The following DCLK3 variants were observed in gnomAD, a reference collection of about 807,000 sequenced individuals.
DCLK3 encodes doublecortin like kinase 3, also known as serine/threonine-protein kinase DCLK3.
Under a neutral mutation model 46.4 loss-of-function variants are expected in DCLK3, and 30 were observed. The observed-to-expected ratio is 0.65, with a 90% CI of 0.48 to 0.88. The LOEUF is 0.88. Among genes scored for constraint, DCLK3 ranks in the 40% least tolerant of loss-of-function variants. The pLI is 0.00. For missense variants in DCLK3, 846 were observed against 907.1 expected (o/e 0.93, Z 0.87); for synonymous variants, 401 against 339.2 (o/e 1.18, Z -2.00).
At chr3:36,735,375 T>C (rs1638889542) in intron 2 of DCLK3, among the ~76,000 whole-genome samples, 1 of 152,238 alleles carries the variant, frequency 6.6e-6, no homozygotes, top group Admixed American at 6.5e-5. Context: ...TATTTGATGG[T>C]AATTCAGACC....
chr3:36,737,776 T>C lies in DCLK3; in HGVS notation c.1391A>G (p.Lys464Arg). 1.9e-6 allele frequency: 3 copies of C among 1,614,136 alleles called. No individual in the cohort carries two copies. The highest frequency in any genetic ancestry group is 1.7e-6 in the Non-Finnish European group (2 of 1,179,978). ...TGGCTTTTTCTCCTTCTCTGCCTCC[T>C]TCTCTTCTCCTCGGGTCCTGCGGAG... The part of the protein sequence containing the change: ...EKLRRTRGEE[K>R]EAEKEKKPCM... Residue 464 changes from lysine (K) to arginine (R), a missense_variant, in exon 2 of 5, where the codon AAG becomes AGG. Around this residue, in one of 3 missense-constraint regions of DCLK3, gnomAD observed 553 missense variants for 543.0 expected, o/e 1.02. Coordinates refer to ENST00000636136, the MANE Select transcript of DCLK3 (RefSeq NM_001394672.2). The surrounding 1 kb of genome is among the most constrained non-coding windows in gnomAD (Gnocchi z 4.4).
At chr3:36,721,365 G>A (rs943266099) in intron 3 of DCLK3, among the ~76,000 whole-genome samples, 162 bp downstream of exon 3, 2 of 152,116 alleles carry the variant, frequency 1.3e-5, no homozygotes, top group Non-Finnish European at 2.9e-5. Context: ...AAGCTCTCAT[G>A]CTTTGGTCAA....
rs770301673 is a variant in DCLK3, at chr3:36,721,513, T to C, written c.2092+14A>G. 9.9e-6 allele frequency: 16 copies of C among 1,613,392 alleles called. No homozygotes were observed. The East Asian group carries it at 3.1e-4, about 31-fold the overall frequency. On this transcript the variant is annotated intron_variant, in intron 3 of 4. Transcript: ENST00000636136. ...AGGGAACTAGAGTCCCACAGATCGATGTGTAACACTTACCTTTCTCAGAAA... is the reference window on the plus strand; with the variant it reads ...AGGGAACTAGAGTCCCACAGATCGACGTGTAACACTTACCTTTCTCAGAAA...
chr3:36,730,330 G>C (rs943387716), intron 2 of DCLK3, among the ~76,000 whole-genome samples: 11 of 151,564 alleles, frequency 7.3e-5, no homozygotes, highest in African/African-American at 2.4e-4. Flanking sequence ...CACAAGATAA[G>C]ATGCTTTTGG....
At chr3:36,752,766 T>C (rs1220613750) in intron 1 of DCLK3, among the ~76,000 whole-genome samples, 1 of 152,208 alleles carries the variant, frequency 6.6e-6, no homozygotes, top group Non-Finnish European at 1.5e-5. Flanking sequence ...ACCATTGATA[T>C]GACAATTTAC....
intron 1 of DCLK3, among the ~76,000 whole-genome samples, chr3:36,741,992 C>T (rs182734586): frequency 1.7e-4 from 26 of 152,264 alleles, no homozygotes; most frequent in Non-Finnish European, 1.5e-5. Flanking sequence ...GACAAAGGAA[C>T]ATTCAGTGAA....
intron 2 of DCLK3, among the ~76,000 whole-genome samples, chr3:36,728,160 G>C (rs1701147802): frequency 6.6e-6 from 1 of 152,196 alleles, no homozygotes; most frequent in South Asian, 2.1e-4. Flanking sequence ...TGTTGATTCA[G>C]AATTCCTTTC....
chr3:36,761,323 T>C (rs1701537326), intron 1 of DCLK3, among the ~76,000 whole-genome samples: 1 of 152,180 alleles, frequency 6.6e-6, no homozygotes, highest in African/African-American at 2.4e-5. Context: ...CAATTGCTAT[T>C]AAATGAATGG....
chr3:36,745,060 T>G (rs558245191), intron 1 of DCLK3, among the ~76,000 whole-genome samples: 1 of 152,364 alleles, frequency 6.6e-6, no homozygotes, highest in East Asian at 1.9e-4. Context: ...TCCACCTTAT[T>G]AGGCTGGAAA....
At chr3:36,734,891 A>G (rs555582657) in intron 2 of DCLK3, among the ~76,000 whole-genome samples, 185 of 152,316 alleles carry the variant, frequency 1.2e-3, no homozygotes, top group African/African-American at 4.0e-3. Flanking sequence ...TGTGATCTAT[A>G]ACAGTGCTGA....
rs1285408519 is a variant in DCLK3 at position 36,737,843 on chromosome 3, C to T, written c.1324G>A (p.Gly442Ser). Residue 442 changes from glycine to serine, a missense_variant, in exon 2 of 5, where the codon GGT (glycine) becomes AGT (serine). Around this residue, in one of 3 missense-constraint regions of DCLK3, gnomAD observed 553 missense variants for 543.0 expected, o/e 1.02. Coordinates refer to ENST00000636136, the MANE Select transcript of DCLK3 (RefSeq NM_001394672.2). The surrounding 1 kb of genome is among the most constrained non-coding windows in gnomAD (Gnocchi z 4.4). ...DTRPMSRSKH[G>S]GWLLREHQAG... Reference sequence around the variant, plus strand: ...TGGTGCTCTCTCAGGAGCCAGCCACCATGTTTGCTCCTGCTCATGGGCCTG... The same window carrying T: ...TGGTGCTCTCTCAGGAGCCAGCCACTATGTTTGCTCCTGCTCATGGGCCTG... 6.2e-7 allele frequency: 1 copy of T among 1,613,884 alleles called. No homozygotes were observed. The highest frequency in any genetic ancestry group is 1.3e-5 in the African/African-American group (1 of 74,914).
chr3:36,728,016 C>A (rs983595489), intron 2 of DCLK3, among the ~76,000 whole-genome samples: 1 of 152,176 alleles, frequency 6.6e-6, no homozygotes, highest in Non-Finnish European at 1.5e-5. Flanking sequence ...AAACAAAAAA[C>A]GTGTCTCAAA....
rs893423962 is a variant in DCLK3, at chr3:36,721,811, C to A, written c.1960-152G>T. ...CCCAACACTGACAAAGCTAACTTGA[C>A]CTCAATGACAAGGGCTCACATTTTC... On this transcript the variant is annotated intron_variant, in intron 2 of 4. Coordinates refer to ENST00000636136, the MANE Select transcript of DCLK3 (RefSeq NM_001394672.2). 4.5e-6 allele frequency: 4 copies of A among 881,860 alleles called. No individual in the cohort carries two copies. The African/African-American group carries it at 6.8e-5, about 15-fold the overall frequency. 54.6% of individuals were successfully genotyped at this position (881,860 alleles called of 1,614,324 possible). A position where few individuals can be genotyped will look rare whatever the true frequency, so the allele number is the denominator to read the frequency against.
intron 2 of DCLK3, among the ~76,000 whole-genome samples, chr3:36,732,399 A>C (rs1315174826): frequency 6.6e-6 from 1 of 152,202 alleles, no homozygotes; most frequent in African/African-American, 2.4e-5. Context: ...GAGTGTACAG[A>C]TACTATTATT....
Position 36,751,063 on chromosome 3 carries a change from T to TAAAAA in DCLK3, c.83-11984_83-11980dup, listed in dbSNP as rs5847933. ...TGATATCCCTGTAGACGGGATGATC[T>TAAAAA]AAAAAAAAAAAAAAAAAAAAAAACT... On this transcript the variant is annotated intron_variant, in intron 1 of 4. Coordinates refer to ENST00000636136, the MANE Select transcript of DCLK3 (RefSeq NM_001394672.2). 3.5e-3 allele frequency among the ~76,000 whole-genome samples: 268 copies of TAAAAA among 76,430 alleles called. 22 individuals are homozygous for TAAAAA. The highest frequency in any genetic ancestry group is 0.025 in the Admixed American group (133 of 5,230). The allele number at this position is 76,430 out of a possible 152,430, so 50.1% of individuals were successfully genotyped here.
At chr3:36,731,856 C>T (rs553833381) in intron 2 of DCLK3, among the ~76,000 whole-genome samples, 19 of 152,250 alleles carry the variant, frequency 1.2e-4, no homozygotes, top group Admixed American at 1.0e-3. Flanking sequence ...ACAAGATGAA[C>T]CAGAACCTGA....
At chr3:36,723,005 G>A (rs1254553373) in intron 2 of DCLK3, among the ~76,000 whole-genome samples, 5 of 152,208 alleles carry the variant, frequency 3.3e-5, no homozygotes, top group Non-Finnish European at 5.9e-5. Flanking sequence ...AAAAATGTGG[G>A]AAAGTTTGTA....
chr3:36,724,524 C>A (rs532048640), intron 2 of DCLK3, among the ~76,000 whole-genome samples: 7 of 152,036 alleles, frequency 4.6e-5, no homozygotes, highest in Non-Finnish European at 8.8e-5. Context: ...TGGGAGGAAC[C>A]CAGTAGGAGG....
Position 36,764,470 on chromosome 3 carries a change from C to A in DCLK3, c.-207G>T. ...CCGGCGACAGCCACCGGGAACGTCT[C>A]CGGGGGCGCGGGACTTAGCAACCGC... On this transcript the variant is annotated 5_prime_UTR_variant, in exon 1 of 5. Coordinates refer to ENST00000636136, the MANE Select transcript of DCLK3 (RefSeq NM_001394672.2). The surrounding 1 kb of genome is among the most constrained non-coding windows in gnomAD (Gnocchi z 4.9). 1 of 165,648 alleles carries A rather than the reference C, an allele frequency of 6.0e-6. No homozygotes were observed. The highest frequency in any genetic ancestry group is 1.9e-4 in the South Asian group (1 of 5,378). The allele number at this position is 165,648 out of a possible 1,614,324, so 10.3% of individuals were successfully genotyped here.
Sources: gnomAD v4.1 joint callset for allele counts (sites outside exome capture counted in the v4.1 genomes callset) on GRCh38, gnomAD v4.1.1 for gene constraint, gnomAD v4.1.1 regional missense constraint, Gnocchi (gnomAD v3.1) non-coding constraint, MANE v1.5 for transcripts, NCBI Gene and HGNC (gene_info 2026-07-23, HGNC 2026-07-21) for gene names.